Variants in ANKS1A observed in about 807,000 individuals in gnomAD.
ANKS1A encodes the protein ankyrin repeat and SAM domain-containing protein 1A.
In ANKS1A, 55 loss-of-function variants were observed where a neutral mutation model predicts 120.3. The ratio of observed to expected loss-of-function variants is 0.46; its 90% confidence interval spans 0.37 to 0.57. The LOEUF is 0.57. Ranked by LOEUF, ANKS1A falls within the 20% of genes least tolerant of loss-of-function variation. ANKS1A has a pLI of 0.00. For synonymous variants in ANKS1A, 590 were observed against 604.7 expected (o/e 0.98, Z 0.36); for missense variants, 1,123 against 1,480.3 (o/e 0.76, Z 3.96).
rs369342625 is a variant in ANKS1A, at chr6:35,025,287, ATG to A, written c.2010+7244_2010+7245del. ...ACACACACACGCATATATGTATGCG[ATG>A]TGTGTGTGTGTGTGTATTTATGTAT... On this transcript the variant is annotated intron_variant, in intron 11 of 23. Transcript: ENST00000360359. Among the ~76,000 whole-genome samples, 53 of 148,658 alleles carry A rather than the reference ATG, an allele frequency of 3.6e-4. No homozygotes were observed. In the South Asian group the frequency reaches 8.1e-3, roughly 23 times the overall value.
intron 8 of ANKS1A, among the ~76,000 whole-genome samples, chr6:34,985,939 G>T (rs1010088721): frequency 1.3e-5 from 2 of 152,122 alleles, no homozygotes; most frequent in Non-Finnish European, 2.9e-5. Context: ...CTTACAGTGG[G>T]ATTATATCCC....
intron 11 of ANKS1A, among the ~76,000 whole-genome samples, chr6:35,036,925 T>C (rs1275697769): frequency 6.6e-6 from 1 of 152,232 alleles, no homozygotes; most frequent in African/African-American, 2.4e-5. Flanking sequence ...TTCTACAGGC[T>C]CCTCAGGTGG....
intron 18 of ANKS1A, 91 bp from the exon 19 acceptor site, chr6:35,083,064 T>C: frequency 2.7e-6 from 4 of 1,495,722 alleles, no homozygotes; most frequent in Non-Finnish European, 2.8e-6. Flanking sequence ...GAGGGGTAAC[T>C]ACTTGATTGT....
Position 35,089,715 on chromosome 6 carries a change from T to TA in ANKS1A, c.*1108dup. ...GGCATCCCGGTGCGCCTCTGCTTCT[T>TA]AAGCTTTCCTGCTGCTCGCTTTGTT... is the stretch of plus-strand genomic sequence containing the variant. On this transcript the variant is annotated 3_prime_UTR_variant, in exon 24 of 24. Transcript: ENST00000360359. The TA allele has an allele frequency of 1.0e-6, 1 of 996,184 alleles. No homozygotes were observed. Among genetic ancestry groups the TA allele is most frequent in the Non-Finnish European group, 1.2e-6 (1 of 836,668 alleles). 61.7% of individuals were successfully genotyped at this position (996,184 alleles called of 1,614,324 possible).
In ANKS1A at chr6:35,048,786, G is replaced by A. The variant is rs1475520504; in HGVS notation, c.2011-5313G>A. Reference sequence around the variant, plus strand: ...GGTTCTCTGCACAGCCTAAGGAACTGATTTTGACGTCAGCAGTCGCCTGAT... The same window carrying A: ...GGTTCTCTGCACAGCCTAAGGAACTAATTTTGACGTCAGCAGTCGCCTGAT... On this transcript the variant is annotated intron_variant, in intron 11 of 23. Transcript: ENST00000360359. 7.9e-5 allele frequency among the ~76,000 whole-genome samples: 12 copies of A among 152,312 alleles called. No homozygotes were observed. The East Asian group carries it at 2.3e-3, about 29-fold the overall frequency.
At chr6:35,071,214 A>G (rs1005882081) in intron 13 of ANKS1A, among the ~76,000 whole-genome samples, 2 of 152,288 alleles carry the variant, frequency 1.3e-5, no homozygotes, top group East Asian at 1.9e-4. Flanking sequence ...TACCTCACAT[A>G]TATCGCTTGA....
At chr6:34,953,187 A>G (rs1232843933) in intron 1 of ANKS1A, among the ~76,000 whole-genome samples, 1 of 152,218 alleles carries the variant, frequency 6.6e-6, no homozygotes, top group African/African-American at 2.4e-5. Context: ...ACATATTTGA[A>G]TCTGCCCCTG....
At position 35,084,276 on chromosome 6, in the gene ANKS1A, G is replaced by T; in HGVS notation, c.3132+18G>T. 6.2e-7 allele frequency: 1 copy of T among 1,612,372 alleles called. No individual in the cohort carries two copies. Among genetic ancestry groups the T allele is most frequent in the Non-Finnish European group, 8.5e-7 (1 of 1,179,386 alleles). ...TGGATGTGGTGGGTGGGGTCCTGGG[G>T]CCGGGTGGGGCAGGCTTGGGTTGCA... On this transcript the variant is annotated intron_variant, in intron 21 of 23. Coordinates refer to ENST00000360359, the MANE Select transcript of ANKS1A (RefSeq NM_015245.3). The surrounding 1 kb of genome is among the most constrained non-coding windows in gnomAD (Gnocchi z 4.8).
At chr6:35,023,240 C>G (rs1774437272) in intron 11 of ANKS1A, among the ~76,000 whole-genome samples, 1 of 152,116 alleles carries the variant, frequency 6.6e-6, no homozygotes, top group Non-Finnish European at 1.5e-5. Context: ...TTACCCAAAC[C>G]TGTGTAAATA....
intron 1 of ANKS1A, among the ~76,000 whole-genome samples, chr6:34,903,622 C>T (rs77884967): frequency 3.3e-5 from 5 of 152,040 alleles, no homozygotes; most frequent in East Asian, 1.9e-4. Flanking sequence ...CTCAGCCTCC[C>T]GAGTAGCTGG....
Position 34,959,660 on chromosome 6 carries a change from C to T in ANKS1A, c.198-7579C>T, listed in dbSNP as rs530773895. Among the ~76,000 whole-genome samples the T allele has an allele frequency of 3.0e-3, 461 of 152,262 alleles. 1 individual carries two copies. Among genetic ancestry groups the T allele is most frequent in the Non-Finnish European group, 5.3e-3 (358 of 68,020 alleles). On this transcript the variant is annotated intron_variant, in intron 1 of 23. Coordinates refer to ENST00000360359, the MANE Select transcript of ANKS1A (RefSeq NM_015245.3). Reference sequence around the variant, plus strand: ...GGATCAGGGGACATTTGAGTTGGGCCACTTTCTGTGCTTGACAGAATAAAT... The same window carrying T: ...GGATCAGGGGACATTTGAGTTGGGCTACTTTCTGTGCTTGACAGAATAAAT...
intron 11 of ANKS1A, among the ~76,000 whole-genome samples, chr6:35,019,194 A>C (rs1027137777): frequency 1.2e-4 from 18 of 152,282 alleles, no homozygotes; most frequent in Middle Eastern, 3.4e-3. Context: ...ATGTTAAAGT[A>C]CCACCCTTGC....
intron 10 of ANKS1A, among the ~76,000 whole-genome samples, chr6:35,000,308 T>G (rs546631033): frequency 6.6e-6 from 1 of 151,980 alleles, no homozygotes; most frequent in Non-Finnish European, 1.5e-5. Context: ...AAACAAGGTC[T>G]TATTAATAGC....
At chr6:34,944,437 CT>C in intron 1 of ANKS1A, among the ~76,000 whole-genome samples, 1 of 152,296 alleles carries the variant, frequency 6.6e-6, no homozygotes, top group Non-Finnish European at 1.5e-5. Flanking sequence ...TTGCATTTCC[CT>C]AAGTGACATT....
chr6:34,890,971 G>A (rs1320580933), intron 1 of ANKS1A, among the ~76,000 whole-genome samples: 1 of 152,142 alleles, frequency 6.6e-6, no homozygotes, highest in African/African-American at 2.4e-5. Flanking sequence ...AATATAAGTA[G>A]GTACTTAAGA....
At chr6:34,962,863 CTTT>C (rs144621101) in intron 1 of ANKS1A, among the ~76,000 whole-genome samples, 1 of 145,362 alleles carries the variant, frequency 6.9e-6, no homozygotes. Context: ...TTCCTTCTTT[CTTT>C]TTTTTTTTCT....
chr6:35,028,251 G>C (rs888761964), intron 11 of ANKS1A, among the ~76,000 whole-genome samples: 3 of 152,144 alleles, frequency 2.0e-5, no homozygotes, highest in Non-Finnish European at 4.4e-5. Flanking sequence ...TTTGCAGCTT[G>C]GGCCCTCTGT....
intron 10 of ANKS1A, among the ~76,000 whole-genome samples, chr6:35,001,353 T>G (rs1380626062): frequency 1.3e-5 from 2 of 152,214 alleles, no homozygotes; most frequent in Admixed American, 1.3e-4. Context: ...GGATCAAATA[T>G]TCCATCTGCA....
At chr6:34,915,822 C>A (rs1471755566) in intron 1 of ANKS1A, among the ~76,000 whole-genome samples, 2 of 151,954 alleles carry the variant, frequency 1.3e-5, no homozygotes, top group Admixed American at 1.3e-4. Context: ...GTTCTCTGAG[C>A]CACTCTATTT....
Sources: allele counts gnomAD v4.1 joint callset (sites outside exome capture counted in the v4.1 genomes callset), GRCh38; gene constraint gnomAD v4.1.1; non-coding constraint Gnocchi (gnomAD v3.1); transcripts MANE v1.5; gene names NCBI Gene and HGNC (gene_info 2026-07-23, HGNC 2026-07-21).